The following CDH13 variants were observed in gnomAD, a reference collection of about 807,000 sequenced individuals.
CDH13 encodes the protein cadherin 13.
A neutral mutation model predicts 63.8 loss-of-function variants in CDH13; 24 were observed. The ratio of observed to expected loss-of-function variants is 0.38; its 90% confidence interval spans 0.27 to 0.53. The LOEUF (loss-of-function observed/expected upper bound fraction) is 0.53, where lower values mean the gene tolerates loss of function less well. Ranked by LOEUF, CDH13 falls within the 20% of genes least tolerant of loss-of-function variation. CDH13 has a pLI of 0.85. For synonymous variants in CDH13, 503 were observed against 355.3 expected (o/e 1.42, Z -4.67); for missense variants, 1,049 against 903.1 (o/e 1.16, Z -2.07).
chr16:83,720,221 A>G (rs534925107), intron 10 of CDH13, among the ~76,000 whole-genome samples: 18 of 152,212 alleles, frequency 1.2e-4, no homozygotes, highest in South Asian at 8.3e-4. Flanking sequence ...GCATGTACAC[A>G]TGTGTACATC....
chr16:83,759,111 T>G (rs1046720838), intron 11 of CDH13, among the ~76,000 whole-genome samples: 1 of 152,196 alleles, frequency 6.6e-6, no homozygotes, highest in African/African-American at 2.4e-5. Flanking sequence ...GAATAAGTTG[T>G]AGAACTTACA....
intron 4 of CDH13, among the ~76,000 whole-genome samples, chr16:83,167,767 T>A (rs893281839): frequency 2.0e-5 from 3 of 151,762 alleles, no homozygotes; most frequent in African/African-American, 7.3e-5. Flanking sequence ...TTCAACTGGA[T>A]AGACATAATA....
chr16:83,359,098 A>G (rs1442722541), intron 6 of CDH13, among the ~76,000 whole-genome samples: 1 of 152,066 alleles, frequency 6.6e-6, no homozygotes, highest in Non-Finnish European at 1.5e-5. Context: ...TTGCCAGTGA[A>G]TCAAGTTGAA....
At chr16:82,809,461 G>A (rs1369406745) in intron 1 of CDH13, among the ~76,000 whole-genome samples, 2 of 152,108 alleles carry the variant, frequency 1.3e-5, no homozygotes, top group Non-Finnish European at 2.9e-5. Context: ...TTATCATTAA[G>A]AATTCGCTCA....
intron 4 of CDH13, among the ~76,000 whole-genome samples, chr16:83,159,205 A>G (rs79897628): frequency 6.6e-6 from 1 of 152,194 alleles, no homozygotes; most frequent in Non-Finnish European, 1.5e-5. Context: ...ACAAAAAAAA[A>G]GACCATTCAT....
At chr16:83,645,676 C>T (rs914529193) in intron 8 of CDH13, among the ~76,000 whole-genome samples, 9 of 152,084 alleles carry the variant, frequency 5.9e-5, no homozygotes, top group African/African-American at 1.7e-4. Context: ...ATCACCAGAG[C>T]ACTATGCTGA....
At chr16:82,812,250 G>T (rs1176797012) in intron 1 of CDH13, among the ~76,000 whole-genome samples, 4 of 152,160 alleles carry the variant, frequency 2.6e-5, no homozygotes, top group Non-Finnish European at 5.9e-5. Context: ...TATCTTGCTG[G>T]ATCTGCAGGT....
intron 2 of CDH13, among the ~76,000 whole-genome samples, chr16:82,880,661 C>G (rs576233731): frequency 6.6e-6 from 1 of 152,292 alleles, no homozygotes; most frequent in East Asian, 1.9e-4. Context: ...GCCTGCTATG[C>G]TTACTGTAGT....
chr16:83,048,641 C>T (rs1411425291), intron 3 of CDH13, among the ~76,000 whole-genome samples: 2 of 152,086 alleles, frequency 1.3e-5, no homozygotes, highest in African/African-American at 4.8e-5. Context: ...CTCTGAGTAC[C>T]CCTAACTCCT....
At chr16:83,515,923 A>G (rs1284841737) in intron 7 of CDH13, among the ~76,000 whole-genome samples, 4 of 152,226 alleles carry the variant, frequency 2.6e-5, no homozygotes, top group Non-Finnish European at 1.5e-5. Flanking sequence ...GAAAAAGAAA[A>G]GAAATGATAA....
chr16:83,207,132 G>T (rs1486655551), intron 4 of CDH13, among the ~76,000 whole-genome samples: 5 of 152,114 alleles, frequency 3.3e-5, no homozygotes, highest in Non-Finnish European at 1.5e-5. Context: ...AAATGTACAT[G>T]GCAGTGGCAT....
intron 2 of CDH13, among the ~76,000 whole-genome samples, chr16:83,013,397 G>C (rs1042295304): frequency 6.6e-6 from 1 of 152,112 alleles, no homozygotes; most frequent in Non-Finnish European, 1.5e-5. Context: ...ATCTCAGTTA[G>C]GCCCACTCTA....
chr16:83,150,958 CT>C (rs576215867), intron 4 of CDH13, among the ~76,000 whole-genome samples: 23 of 151,958 alleles, frequency 1.5e-4, no homozygotes, highest in African/African-American at 2.2e-4. Context: ...TATACCCCAT[CT>C]TTTTTTTACA....
chr16:83,202,668 A>T (rs536673739), intron 4 of CDH13, among the ~76,000 whole-genome samples: 84 of 152,334 alleles, frequency 5.5e-4, no homozygotes, highest in African/African-American at 2.0e-3. Flanking sequence ...GTAAGTGTTA[A>T]AACTCTCAGG....
intron 4 of CDH13, among the ~76,000 whole-genome samples, chr16:83,216,777 A>T (rs961997047): frequency 4.7e-5 from 7 of 150,056 alleles, no homozygotes; most frequent in African/African-American, 1.7e-4. Context: ...TACATATTAT[A>T]TATATAAGCC....
chr16:83,481,185 C>G (rs1443874175), intron 6 of CDH13, among the ~76,000 whole-genome samples: 2 of 152,230 alleles, frequency 1.3e-5, no homozygotes, highest in South Asian at 2.1e-4. Context: ...GGAAAGCACA[C>G]TGTTGCCCTA....
At chr16:83,149,121 AG>A (rs2036869158) in intron 4 of CDH13, among the ~76,000 whole-genome samples, 2 of 152,228 alleles carry the variant, frequency 1.3e-5, no homozygotes, top group Middle Eastern at 3.2e-3. Flanking sequence ...TCCAAGATAC[AG>A]TAGTTCTATG....
At chr16:83,065,429 G>A (rs1474663440) in intron 3 of CDH13, among the ~76,000 whole-genome samples, 3 of 152,138 alleles carry the variant, frequency 2.0e-5, no homozygotes, top group Non-Finnish European at 2.9e-5. Context: ...TCCAGGCTGG[G>A]CGTGGTGGCT....
In CDH13 at chr16:83,381,991, G is replaced by A. The variant is rs1180122534; in HGVS notation, c.781+36985G>A. ...TCATCCTCCACCTCTGTGGACACAG[G>A]AACGACGAAAAAGTCTCCCTTATGA... On this transcript the variant is annotated intron_variant, in intron 6 of 13. Coordinates refer to ENST00000567109, the MANE Select transcript of CDH13 (RefSeq NM_001257.5). 2.0e-5 allele frequency among the ~76,000 whole-genome samples: 3 copies of A among 152,114 alleles called. No individual in the cohort carries two copies. The East Asian group carries it at 5.8e-4, about 29-fold the overall frequency.
Sources: gnomAD v4.1 joint callset for allele counts (sites outside exome capture counted in the v4.1 genomes callset) on GRCh38, gnomAD v4.1.1 for gene constraint, MANE v1.5 for transcripts, NCBI Gene and HGNC (gene_info 2026-07-23, HGNC 2026-07-21) for gene names.